Variants in SPACA6 observed in about 807,000 individuals in gnomAD.
The protein encoded by SPACA6 is sperm acrosome membrane-associated protein 6.
For missense variants in SPACA6, 8 were observed against 2.8 expected, an observed-to-expected ratio of 2.88 and a Z score of -1.34; for synonymous variants, 6 against 1.5, an observed-to-expected ratio of 4.05 and a Z score of -2.21.
chr19:51,712,776 G>A (rs2083548907), downstream of SPACA6, among the ~76,000 whole-genome samples: 2 of 152,144 alleles, frequency 1.3e-5, no homozygotes, highest in African/African-American at 2.4e-5. Context: ...CAGCTAAGAG[G>A]GAGGGGAGGA....
At chr19:51,685,069 G>A (rs1264602798), upstream of SPACA6, among the ~76,000 whole-genome samples, 1 of 152,180 alleles carries the variant, frequency 6.6e-6, no homozygotes, top group East Asian at 1.9e-4. Flanking sequence ...TAGTATCAAC[G>A]TGTAAGTCCT....
chr19:51,706,818 C>G (rs2083518210), downstream of SPACA6, among the ~76,000 whole-genome samples: 1 of 152,188 alleles, frequency 6.6e-6, no homozygotes, highest in Non-Finnish European at 1.5e-5. Flanking sequence ...CGCCACCACA[C>G]CTGGCTAATT....
upstream of SPACA6, chr19:51,687,705 G>GA (rs2083335088): frequency 6.6e-6 from 1 of 152,128 alleles, no homozygotes; most frequent in African/African-American, 2.4e-5. Context: ...CATGCATCCT[G>GA]AACGTTTTCC....
At chr19:51,709,798 G>C (rs2083533823), downstream of SPACA6, among the ~76,000 whole-genome samples, 1 of 152,076 alleles carries the variant, frequency 6.6e-6, no homozygotes, top group Non-Finnish European at 1.5e-5. Context: ...TGCAGCCCTG[G>C]GGAACAAGGT....
chr19:51,692,760 G>T (rs1376558547), upstream of SPACA6: 4 of 534,334 alleles, frequency 7.5e-6, no homozygotes, highest in South Asian at 1.4e-5. This position sits in a 1 kb window ranked among gnomAD's most constrained non-coding sequence, Gnocchi z 5.6. Context: ...CTGTCTGTCT[G>T]TCGGGTCTGT....
the SPACA6 span, among the ~76,000 whole-genome samples, chr19:51,682,712 T>C: frequency 6.6e-6 from 1 of 152,226 alleles, no homozygotes; most frequent in Non-Finnish European, 1.5e-5. Flanking sequence ...TTTCTAGGGC[T>C]GTTGTAATAA....
intron 2 of SPACA6, among the ~76,000 whole-genome samples, chr19:51,698,498 T>C (rs2083446170): frequency 6.6e-6 from 1 of 152,208 alleles, no homozygotes; most frequent in East Asian, 1.9e-4. Flanking sequence ...AGAAATTCTT[T>C]GGATGACTCC....
intron 7 of SPACA6, 22 bp downstream of exon 7, chr19:51,704,208 T>G (rs1405430987): frequency 2.5e-6 from 1 of 400,316 alleles, no homozygotes; most frequent in Non-Finnish European, 4.4e-6. Context: ...CGCGGCCGCG[T>G]GAGTGAGCGG....
At chr19:51,684,098 G>C in the SPACA6 span, among the ~76,000 whole-genome samples, 3 of 152,148 alleles carry the variant, frequency 2.0e-5, no homozygotes, top group Non-Finnish European at 4.4e-5. Flanking sequence ...GGCCTATTTT[G>C]TGTCATATAC....
At chr19:51,684,710 T>TA (rs1174439135), upstream of SPACA6, among the ~76,000 whole-genome samples, 1 of 152,230 alleles carries the variant, frequency 6.6e-6, no homozygotes, top group South Asian at 2.1e-4. Flanking sequence ...CTGATGAGCT[T>TA]AAAAAAATTT....
At chr19:51,700,327 G>A (rs2083459360) in intron 2 of SPACA6, among the ~76,000 whole-genome samples, 1 of 152,120 alleles carries the variant, frequency 6.6e-6, no homozygotes. Context: ...AGTGAATAGA[G>A]GCTGGGGACT....
In SPACA6 at chr19:51,693,525, C is replaced by T. The variant is rs961022804; in HGVS notation, c.-2C>T. 3.1e-5 allele frequency: 15 copies of T among 486,542 alleles called. No homozygotes were observed. Among genetic ancestry groups the T allele is most frequent in the African/African-American group, 2.5e-4 (13 of 52,362 alleles). 30.1% of individuals were successfully genotyped at this position (486,542 alleles called of 1,614,324 possible). A position where few individuals can be genotyped will look rare whatever the true frequency, so the allele number is the denominator to read the frequency against. On this transcript the variant is annotated 5_prime_UTR_variant, in exon 1 of 9. It adds an upstream start codon to the 5' untranslated region. Transcript: ENST00000637797. ...TTCTCCCCTGGCCTTGAGACCCACACGATGGCCCTGCTGGCTCTGGCCAGT... is the reference window on the plus strand; with the variant it reads ...TTCTCCCCTGGCCTTGAGACCCACATGATGGCCCTGCTGGCTCTGGCCAGT...
Position 51,704,604 on chromosome 19 carries a change from G to T in SPACA6, c.941+124G>T, listed in dbSNP as rs986105006. The T allele has an allele frequency of 7.5e-6, 3 of 399,142 alleles. No homozygotes were observed. The Admixed American group carries it at 1.3e-4, about 18-fold the overall frequency. 24.7% of individuals were successfully genotyped at this position (399,142 alleles called of 1,614,324 possible). ...CAGGCTTTCAGTTCCTCCTCTCTCA[G>T]ACCCACGAGTCCAGGTCCCAGCCCC... On this transcript the variant is annotated intron_variant, in intron 8 of 8. Transcript: ENST00000637797.
At chr19:51,702,604 A>T in intron 3 of SPACA6, 25 bp from the exon 4 acceptor site, 1 of 399,110 alleles carries the variant, frequency 2.5e-6, no homozygotes, top group Non-Finnish European at 4.4e-6. Context: ...ACTGTAAGGT[A>T]GTGATGTTTC....
downstream of SPACA6, chr19:51,705,440 C>T: frequency 4.0e-6 from 1 of 248,918 alleles, no homozygotes. Context: ...CCAAGGCTTT[C>T]CTCCTACCAG....
upstream of SPACA6, chr19:51,689,686 T>C (rs1260817316): frequency 1.4e-4 from 1 of 7,300 alleles, no homozygotes; most frequent in African/African-American, 6.0e-4. Context: ...GGAGGAGGAG[T>C]TGGGGGTGGG....
upstream of SPACA6, among the ~76,000 whole-genome samples, chr19:51,692,046 G>A (rs991278692): frequency 9.9e-5 from 15 of 152,248 alleles, no homozygotes; most frequent in African/African-American, 3.4e-4. The surrounding 1 kb of genome is among the most constrained non-coding windows in gnomAD (Gnocchi z 5.6). Flanking sequence ...AGCGCTGGGA[G>A]ATTGTGGCTG....
chr19:51,712,258 C>T (rs934775387), exon 3 of SPACA6: 3 of 152,108 alleles, frequency 2.0e-5, no homozygotes, highest in African/African-American at 7.2e-5. Context: ...CAAGTGGTCT[C>T]CCTGCCTCGG....
the SPACA6 span, among the ~76,000 whole-genome samples, chr19:51,683,110 G>GT: frequency 1.3e-5 from 2 of 152,228 alleles, no homozygotes; most frequent in African/African-American, 4.8e-5. Flanking sequence ...AGAAATGAAG[G>GT]TATCAGCAGG....
Sources: allele counts gnomAD v4.1 joint callset (sites outside exome capture counted in the v4.1 genomes callset), GRCh38; gene constraint gnomAD v4.1.1; non-coding constraint Gnocchi (gnomAD v3.1); transcripts MANE v1.5; gene names NCBI Gene and HGNC (gene_info 2026-07-23, HGNC 2026-07-21).